GDF11: variants seen among roughly 807,000 people sequenced by gnomAD.
GDF11 encodes growth differentiation factor 11, also known as growth/differentiation factor 11.
In GDF11, 12 loss-of-function variants were observed where a neutral mutation model predicts 34.4. The observed-to-expected ratio is 0.35, with a 90% CI of 0.22 to 0.57. The LOEUF (loss-of-function observed/expected upper bound fraction) is 0.57, where lower values mean the gene tolerates loss of function less well. Among genes scored for constraint, GDF11 ranks in the 20% least tolerant of loss-of-function variants. The pLI, the probability that GDF11 is intolerant of heterozygous loss-of-function variation, is 0.86. For synonymous variants in GDF11, 212 were observed against 231.1 expected (o/e 0.92, Z 0.75); for missense variants, 346 against 548.2 (o/e 0.63, Z 3.68).
chr12:55,744,159 T>A (rs1267239886), intron 1 of GDF11, among the ~76,000 whole-genome samples: 1 of 152,194 alleles, frequency 6.6e-6, no homozygotes, highest in African/African-American at 2.4e-5. Flanking sequence ...TGGACTGCAG[T>A]GCTCTCTGCT....
chr12:55,753,290 GT>G lies in GDF11; in HGVS notation c.*3411del, dbSNP rs1315380324. Reference sequence around the variant, plus strand: ...CCTGTTCCTAGGTTTCCTCAACGAAGTTTGACAAAAATCTAAACCAACATAG... The same window carrying G: ...CCTGTTCCTAGGTTTCCTCAACGAAGTTGACAAAAATCTAAACCAACATAG... On this transcript the variant is annotated 3_prime_UTR_variant, in exon 3 of 3. Coordinates refer to ENST00000257868, the MANE Select transcript of GDF11 (RefSeq NM_005811.5). 3.3e-5 allele frequency: 5 copies of G among 152,210 alleles called. No homozygotes were observed. Among genetic ancestry groups the G allele is most frequent in the African/African-American group, 1.2e-4 (5 of 41,436 alleles). 9.4% of individuals were successfully genotyped at this position (152,210 alleles called of 1,614,324 possible).
At chr12:55,745,171 G>A (rs1878154415) in intron 1 of GDF11, among the ~76,000 whole-genome samples, 1 of 152,114 alleles carries the variant, frequency 6.6e-6, no homozygotes, top group Admixed American at 6.5e-5. Flanking sequence ...CTAGGAAACA[G>A]AGTTATAGAG....
Position 55,754,507 on chromosome 12 carries a change from C to G in GDF11, c.*4625C>G, listed in dbSNP as rs1081732. On this transcript the variant is annotated 3_prime_UTR_variant, in exon 3 of 3. Transcript: ENST00000257868. ...CCAGCTTTCCTGCCAGTGAGCTGGG[C>G]TTGAGGGAGTGAATGGGACTCTTTC... 43,576 of 152,126 alleles carry G rather than the reference C, an allele frequency of 0.29. 12,848 individuals are homozygous for G. Among genetic ancestry groups the G allele is most frequent in the African/African-American group, 0.75 (30,932 of 41,464 alleles). The allele number at this position is 152,126 out of a possible 1,614,324, so 9.4% of individuals were successfully genotyped here.
At position 55,743,527 on chromosome 12, in the gene GDF11, A is replaced by T; in HGVS notation, c.211A>T (p.Ser71Cys). The change falls in exon 1 of 3, where the codon AGC (serine) becomes TGC (cysteine). Residue 71 changes from serine to cysteine, a missense_variant. Coordinates refer to ENST00000257868, the MANE Select transcript of GDF11 (RefSeq NM_005811.5). ...GCPVCVWRQH[S>C]RELRLESIKS... is the part of the protein sequence containing the mutation. ...CCCCGTGTGCGTTTGGCGGCAGCAC[A>T]GCCGCGAGCTGCGCCTAGAGAGCAT... 1 of 1,598,342 alleles carries T rather than the reference A, an allele frequency of 6.3e-7. No individual in the cohort carries two copies. The highest frequency in any genetic ancestry group is 8.5e-7 in the Non-Finnish European group (1 of 1,178,186).
rs1339513612 is a variant in GDF11 at position 55,750,048 on chromosome 12, G to T, written c.*166G>T. 1 of 650,250 alleles carries T rather than the reference G, an allele frequency of 1.5e-6. No homozygotes were observed. The highest frequency in any genetic ancestry group is 2.6e-6 in the Non-Finnish European group (1 of 384,600). The allele number at this position is 650,250 out of a possible 1,614,324, so 40.3% of individuals were successfully genotyped here. A position where few individuals can be genotyped will look rare whatever the true frequency, so the allele number is the denominator to read the frequency against. On this transcript the variant is annotated 3_prime_UTR_variant, in exon 3 of 3. Coordinates refer to ENST00000257868, the MANE Select transcript of GDF11 (RefSeq NM_005811.5). ...CAGAGGGAGGCAGGTGGGAATTGAGGGTGAGGGGTTTGGGGGAAAGGGGAA... is the reference window on the plus strand; with the variant it reads ...CAGAGGGAGGCAGGTGGGAATTGAGTGTGAGGGGTTTGGGGGAAAGGGGAA...
Position 55,743,488 on chromosome 12 carries a change from G to C in GDF11, c.172G>C (p.Glu58Gln), listed in dbSNP as rs1878109341. 6.5e-7 allele frequency: 1 copy of C among 1,537,766 alleles called. No homozygotes were observed. The highest frequency in any genetic ancestry group is 1.4e-5 in the African/African-American group (1 of 72,140). ...SSRPAPSVAP[E>Q]PDGCPVCVWR... ...CCGGCCAGCCCCGTCCGTGGCGCCCGAGCCGGACGGCTGCCCCGTGTGCGT... is the reference window on the plus strand; with the variant it reads ...CCGGCCAGCCCCGTCCGTGGCGCCCCAGCCGGACGGCTGCCCCGTGTGCGT... Residue 58 changes from glutamate (E) to glutamine (Q), a missense_variant, in exon 1 of 3, where the codon GAG becomes CAG. Glu to Gln is a conservative substitution (Grantham distance 29). Around this residue, in one of 3 missense-constraint regions of GDF11, gnomAD observed 141 missense variants for 213.8 expected, o/e 0.66. Transcript: ENST00000257868.
rs925260965 is a variant in GDF11, at chr12:55,743,242, C to G, written c.-75C>G. 21 of 431,536 alleles carry G rather than the reference C, an allele frequency of 4.9e-5. No individual in the cohort carries two copies. The highest frequency in any genetic ancestry group is 5.8e-5 in the Non-Finnish European group (19 of 327,208). The allele number at this position is 431,536 out of a possible 1,614,324, so 26.7% of individuals were successfully genotyped here. On this transcript the variant is annotated 5_prime_UTR_variant, in exon 1 of 3. Coordinates refer to ENST00000257868, the MANE Select transcript of GDF11 (RefSeq NM_005811.5). ...CCGCCCGGACCCCCTCCTCCTCCCT[C>G]CCTCCTCCCTCCGCCCCCTCCCCGC...
Position 55,749,490 on chromosome 12 carries a change from CCT to C in GDF11, c.844-11_844-10del. The stretch of plus-strand genomic sequence containing the variant: ...CCATATCACATTTCTTTCCCCTCTC[CCT>C]GACCCTCAGCATCCATTCATGGAGC... On this transcript the variant is annotated splice_polypyrimidine_tract_variant and intron_variant, in intron 2 of 2. Coordinates refer to ENST00000257868, the MANE Select transcript of GDF11 (RefSeq NM_005811.5). The surrounding 1 kb of genome is among the most constrained non-coding windows in gnomAD (Gnocchi z 5.6). 6.3e-7 allele frequency: 1 copy of C among 1,599,254 alleles called. No homozygotes were observed. The highest frequency in any genetic ancestry group is 1.1e-5 in the South Asian group (1 of 89,674).
Position 55,743,544 on chromosome 12 carries a change from A to G in GDF11, c.228A>G (p.Leu76=). Residue 76 remains leucine (L), a synonymous_variant, in exon 1 of 3, where the codon CTA becomes CTG. Transcript: ENST00000257868. ...GGCAGCACAGCCGCGAGCTGCGCCT[A>G]GAGAGCATCAAGTCGCAGATCTTGA... ...VWRQHSRELR[L]ESIKSQILSK... 5.0e-6 allele frequency: 8 copies of G among 1,602,852 alleles called. No homozygotes were observed. The highest frequency in any genetic ancestry group is 5.1e-6 in the Non-Finnish European group (6 of 1,179,492).
Position 55,748,760 on chromosome 12 carries a change from G to A in GDF11, c.620G>A (p.Gly207Glu), listed in dbSNP as rs1365034629. Residue 207 changes from glycine (G) to glutamate (E), a missense_variant, in exon 2 of 3, where the codon GGG (glycine) becomes GAG (glutamate). Coordinates refer to ENST00000257868, the MANE Select transcript of GDF11 (RefSeq NM_005811.5). This position sits in a 1 kb window ranked among gnomAD's most constrained non-coding sequence, Gnocchi z 5.6. The part of the protein sequence containing the change: ...ILRLKPLTGE[G>E]TAGGGGGGRR... ...CGACTAAAACCCCTAACTGGGGAAG[G>A]GACCGCAGGGGGAGGGGGCGGAGGC... 1 of 1,614,246 alleles carries A rather than the reference G, an allele frequency of 6.2e-7. No individual in the cohort carries two copies.
In GDF11 at chr12:55,755,749, A is replaced by T. The variant is rs1359420941; in HGVS notation, c.*5867A>T. 6.6e-6 allele frequency: 1 copy of T among 152,094 alleles called. No individual in the cohort carries two copies. The highest frequency in any genetic ancestry group is 1.5e-5 in the Non-Finnish European group (1 of 68,014). The allele number at this position is 152,094 out of a possible 1,614,324, so 9.4% of individuals were successfully genotyped here. ...CTTGGAGGTTAGAGACTTCTGACCA[A>T]CATAGGAACAGCTGCTGAAATGGGA... On this transcript the variant is annotated 3_prime_UTR_variant, in exon 3 of 3. Coordinates refer to ENST00000257868, the MANE Select transcript of GDF11 (RefSeq NM_005811.5).
At position 55,753,261 on chromosome 12, in the gene GDF11, A is replaced by C. The variant is rs1244400997; in HGVS notation, c.*3379A>C. The C allele has an allele frequency of 6.6e-6, 1 of 152,252 alleles. No homozygotes were observed. The highest frequency in any genetic ancestry group is 1.5e-5 in the Non-Finnish European group (1 of 68,056). 9.4% of individuals were successfully genotyped at this position (152,252 alleles called of 1,614,324 possible). On this transcript the variant is annotated 3_prime_UTR_variant, in exon 3 of 3. Transcript: ENST00000257868. ...TCCAGCTAGTGTCCTATTCTCCTGC[A>C]GTCCCTGTTCCTAGGTTTCCTCAAC...
At position 55,749,834 on chromosome 12, in the gene GDF11, C is replaced by T. The variant is rs1308133390; in HGVS notation, c.1176C>T (p.Ile392=). 1 of 1,613,934 alleles carries T rather than the reference C, an allele frequency of 6.2e-7. No homozygotes were observed. Among genetic ancestry groups the T allele is most frequent in the East Asian group, 2.2e-5 (1 of 44,896 alleles). ...MLYFNDKQQI[I]YGKIPGMVVD... is the part of the protein sequence containing the mutation. The stretch of plus-strand genomic sequence containing the variant: ...ACTTCAATGACAAGCAGCAGATTAT[C>T]TACGGCAAGATCCCTGGCATGGTGG... The change falls in exon 3 of 3, where the codon ATC becomes ATT. Residue 392 remains isoleucine (I), a synonymous_variant. Coordinates refer to ENST00000257868, the MANE Select transcript of GDF11 (RefSeq NM_005811.5). The surrounding 1 kb of genome is among the most constrained non-coding windows in gnomAD (Gnocchi z 5.6).
Position 55,752,100 on chromosome 12 carries a change from T to G in GDF11, c.*2218T>G, listed in dbSNP as rs1216279844. The G allele has an allele frequency of 1.3e-5, 2 of 152,258 alleles. No homozygotes were observed. Among genetic ancestry groups the G allele is most frequent in the African/African-American group, 4.8e-5 (2 of 41,440 alleles). The allele number at this position is 152,258 out of a possible 1,614,324, so 9.4% of individuals were successfully genotyped here. A position where few individuals can be genotyped will look rare whatever the true frequency, so the allele number is the denominator to read the frequency against. On this transcript the variant is annotated 3_prime_UTR_variant, in exon 3 of 3. Coordinates refer to ENST00000257868, the MANE Select transcript of GDF11 (RefSeq NM_005811.5). ...CCCCAAGCCTCTCTGGCCCTGTTCT[T>G]CATCCTTCCTTCTGCCCCAATCCTG...
rs968042146 is a variant in GDF11 at position 55,753,966 on chromosome 12, A to G, written c.*4084A>G. On this transcript the variant is annotated 3_prime_UTR_variant, in exon 3 of 3. Coordinates refer to ENST00000257868, the MANE Select transcript of GDF11 (RefSeq NM_005811.5). ...CAGTAAGACACTGTCTCTAAAAATA[A>G]TTAAAGTAAAATAAAAATAAGGAAA... 1 of 152,092 alleles carries G rather than the reference A, an allele frequency of 6.6e-6. No individual in the cohort carries two copies. Among genetic ancestry groups the G allele is most frequent in the Non-Finnish European group, 1.5e-5 (1 of 68,036 alleles). The allele number at this position is 152,092 out of a possible 1,614,324, so 9.4% of individuals were successfully genotyped here.
Position 55,752,868 on chromosome 12 carries a change from G to C in GDF11, c.*2986G>C, listed in dbSNP as rs778424132. On this transcript the variant is annotated 3_prime_UTR_variant, in exon 3 of 3. Coordinates refer to ENST00000257868, the MANE Select transcript of GDF11 (RefSeq NM_005811.5). Reference sequence around the variant, plus strand: ...GAAAAAAAAAATAAAAGCGGTCAAAGAGTTTAGAATTCAGTGCTGAGCTCT... The same window carrying C: ...GAAAAAAAAAATAAAAGCGGTCAAACAGTTTAGAATTCAGTGCTGAGCTCT... 8 of 152,120 alleles carry C rather than the reference G, an allele frequency of 5.3e-5. No individual in the cohort carries two copies. Among genetic ancestry groups the C allele is most frequent in the Non-Finnish European group, 1.0e-4 (7 of 68,026 alleles). The allele number at this position is 152,120 out of a possible 1,614,324, so 9.4% of individuals were successfully genotyped here. A position where few individuals can be genotyped will look rare whatever the true frequency, so the allele number is the denominator to read the frequency against.
Position 55,750,187 on chromosome 12 carries a change from G to C in GDF11, c.*305G>C. ...AGACAGAGGAACAAAAAGAGCAGCA[G>C]TGAGAAGGCAAAGAGAGAGGCAGAA... On this transcript the variant is annotated 3_prime_UTR_variant, in exon 3 of 3. Transcript: ENST00000257868. The C allele has an allele frequency of 3.1e-6, 1 of 326,758 alleles. No individual in the cohort carries two copies. The allele number at this position is 326,758 out of a possible 1,614,324, so 20.2% of individuals were successfully genotyped here. A position where few individuals can be genotyped will look rare whatever the true frequency, so the allele number is the denominator to read the frequency against.
Position 55,751,885 on chromosome 12 carries a change from ACT to A in GDF11, c.*2007_*2008del, listed in dbSNP as rs1240387850. 1.3e-5 allele frequency: 2 copies of A among 151,756 alleles called. No individual in the cohort carries two copies. Among genetic ancestry groups the A allele is most frequent in the Admixed American group, 1.3e-4 (2 of 15,256 alleles). 9.4% of individuals were successfully genotyped at this position (151,756 alleles called of 1,614,324 possible). A position where few individuals can be genotyped will look rare whatever the true frequency, so the allele number is the denominator to read the frequency against. ...ATGGCTCATTCTTCCCAAGAGCATG[ACT>A]CTCCCCCTTGGCCAGTTGGTGGAAG... On this transcript the variant is annotated 3_prime_UTR_variant, in exon 3 of 3. Coordinates refer to ENST00000257868, the MANE Select transcript of GDF11 (RefSeq NM_005811.5).
Position 55,755,006 on chromosome 12 carries a change from A to T in GDF11, c.*5124A>T, listed in dbSNP as rs1878461026. On this transcript the variant is annotated 3_prime_UTR_variant, in exon 3 of 3. Coordinates refer to ENST00000257868, the MANE Select transcript of GDF11 (RefSeq NM_005811.5). Reference sequence around the variant, plus strand: ...ACACCTTGGACTCAAAGAATCTGGAAAGATGTGAAACCTGTAATTTTAAAT... The same window carrying T: ...ACACCTTGGACTCAAAGAATCTGGATAGATGTGAAACCTGTAATTTTAAAT... 1 of 152,236 alleles carries T rather than the reference A, an allele frequency of 6.6e-6. No homozygotes were observed. Among genetic ancestry groups the T allele is most frequent in the Non-Finnish European group, 1.5e-5 (1 of 68,048 alleles). The allele number at this position is 152,236 out of a possible 1,614,324, so 9.4% of individuals were successfully genotyped here.
Sources: gnomAD v4.1 joint callset for allele counts (sites outside exome capture counted in the v4.1 genomes callset) on GRCh38, gnomAD v4.1.1 for gene constraint, gnomAD v4.1.1 regional missense constraint, Gnocchi (gnomAD v3.1) non-coding constraint, MANE v1.5 for transcripts, NCBI Gene and HGNC (gene_info 2026-07-23, HGNC 2026-07-21) for gene names.